The following MMP26 variants were observed in gnomAD, a reference collection of about 807,000 sequenced individuals.
MMP26 encodes the protein matrix metalloproteinase-26.
A neutral mutation model predicts 31.0 loss-of-function variants in MMP26; 33 were observed. The observed-to-expected ratio is 1.06, with a 90% CI of 0.81 to 1.42. MMP26 has a LOEUF of 1.42. MMP26 is among the 40% of genes most tolerant of loss of function. MMP26 has a pLI of 0.00. For synonymous variants in MMP26, 122 were observed against 114.9 expected, an observed-to-expected ratio of 1.06 and a Z score of -0.40; for missense variants, 347 against 316.1, an observed-to-expected ratio of 1.10 and a Z score of -0.74.
At chr11:4,822,442 C>T in intron 2 of MMP26, 1 of 1,372,324 alleles carries the variant, frequency 7.3e-7, no homozygotes, top group Non-Finnish European at 9.5e-7. Context: ...AGTAATTGTC[C>T]CAAAGTGCCC....
chr11:4,742,522 G>C (rs1278546375), intron 1 of MMP26, among the ~76,000 whole-genome samples: 2 of 152,062 alleles, frequency 1.3e-5, no homozygotes, highest in South Asian at 4.1e-4. Context: ...ATTATTTCTG[G>C]GTATGTCTGG....
intron 2 of MMP26, among the ~76,000 whole-genome samples, chr11:4,841,874 G>A (rs889781891): frequency 2.6e-4 from 39 of 152,206 alleles, no homozygotes; most frequent in African/African-American, 8.7e-4. Flanking sequence ...CAGAGGTTGT[G>A]GTGAGCCAAG....
intron 2 of MMP26, among the ~76,000 whole-genome samples, chr11:4,849,893 A>G (rs542707091): frequency 2.0e-5 from 3 of 152,238 alleles, no homozygotes; most frequent in Non-Finnish European, 4.4e-5. Context: ...AAAGGGGTGC[A>G]TGTGGTATTT....
intron 2 of MMP26, among the ~76,000 whole-genome samples, chr11:4,971,856 G>A (rs909604537): frequency 1.3e-5 from 2 of 152,098 alleles, no homozygotes; most frequent in Non-Finnish European, 2.9e-5. Context: ...AAGATAAAAC[G>A]AAAGAGGAAG....
At chr11:4,865,592 C>T (rs1850223132) in intron 2 of MMP26, among the ~76,000 whole-genome samples, 1 of 152,042 alleles carries the variant, frequency 6.6e-6, no homozygotes, top group African/African-American at 2.4e-5. Flanking sequence ...TCTTCCTCCT[C>T]CTCCTCCTCC....
chr11:4,982,418 C>T (rs1009152601), intron 2 of MMP26, among the ~76,000 whole-genome samples: 12 of 152,234 alleles, frequency 7.9e-5, no homozygotes, highest in Non-Finnish European at 1.5e-4. Context: ...TATTGAATAA[C>T]ACTGTTATGT....
At chr11:4,939,006 A>G (rs1846170549) in intron 2 of MMP26, among the ~76,000 whole-genome samples, 1 of 152,132 alleles carries the variant, frequency 6.6e-6, no homozygotes, top group Non-Finnish European at 1.5e-5. Context: ...ATGGTGGAAT[A>G]CTCAGATTAG....
At chr11:4,859,474 A>G (rs952717352) in intron 2 of MMP26, 2 of 352,078 alleles carry the variant, frequency 5.7e-6, no homozygotes, top group South Asian at 2.2e-5. Context: ...CCTGTTATGT[A>G]TCTTCACCCA....
intron 2 of MMP26, among the ~76,000 whole-genome samples, chr11:4,784,654 G>T (rs1238359324): frequency 6.6e-6 from 1 of 152,188 alleles, no homozygotes; most frequent in Non-Finnish European, 1.5e-5. Flanking sequence ...TAGATTCTTT[G>T]GAGAGTGTGT....
chr11:4,947,137 T>C (rs1564812727), intron 2 of MMP26: 1 of 1,166,952 alleles, frequency 8.6e-7, no homozygotes, highest in Non-Finnish European at 1.2e-6. Context: ...AAAATACAGA[T>C]GCTTGTGTTG....
intron 2 of MMP26, among the ~76,000 whole-genome samples, chr11:4,918,666 C>T (rs547191550): frequency 6.6e-6 from 1 of 152,240 alleles, no homozygotes; most frequent in African/African-American, 2.4e-5. Context: ...AAGCAGCTGT[C>T]CAGGATACAG....
At chr11:4,877,869 A>G (rs1023839546) in intron 2 of MMP26, 1 of 152,318 alleles carries the variant, frequency 6.6e-6, no homozygotes, top group East Asian at 1.9e-4. Flanking sequence ...TTAAAATTGT[A>G]TATAAATTTT....
rs142430930 is a variant in MMP26 at position 4,742,787 on chromosome 11, A to G, written c.-216-24483A>G. Among the ~76,000 whole-genome samples the G allele has an allele frequency of 6.1e-3, 923 of 152,292 alleles. 17 individuals carry two copies. Among genetic ancestry groups the G allele is most frequent in the African/African-American group, 0.021 (862 of 41,544 alleles). On this transcript the variant is annotated intron_variant, in intron 1 of 7. Coordinates refer to ENST00000380390, the MANE Select transcript of MMP26 (RefSeq NM_021801.5). ...ATTGGAGATGATAATAGTTATAACT[A>G]CTTTGCAAGGTAGTTGAAACCTACC...
intron 2 of MMP26, chr11:4,945,441 A>G (rs1312637606): frequency 2.0e-5 from 3 of 152,672 alleles, no homozygotes; most frequent in Admixed American, 6.5e-5. Flanking sequence ...GTCTTAGAAT[A>G]TGTTCCTTAT....
intron 2 of MMP26, among the ~76,000 whole-genome samples, chr11:4,955,986 G>T (rs1040042014): frequency 2.6e-5 from 4 of 152,130 alleles, no homozygotes; most frequent in African/African-American, 9.7e-5. Flanking sequence ...GAGAATCCAG[G>T]TTTAAATTTT....
At position 4,907,756 on chromosome 11, in the gene MMP26, C is replaced by T. The variant is rs1408722107; in HGVS notation, c.-144-80312C>T. 4 of 1,614,048 alleles carry T rather than the reference C, an allele frequency of 2.5e-6. No individual in the cohort carries two copies. The South Asian group carries it at 4.4e-5, about 18-fold the overall frequency. On this transcript the variant is annotated intron_variant, in intron 2 of 7. Coordinates refer to ENST00000380390, the MANE Select transcript of MMP26 (RefSeq NM_021801.5). ...ACCGCTTTCTTGCCATTCACAATCC[C>T]TTAAGATACAGTTCTATCCTCACTA...
intron 1 of MMP26, among the ~76,000 whole-genome samples, chr11:4,750,973 C>A (rs917957343): frequency 6.6e-6 from 1 of 151,904 alleles, no homozygotes; most frequent in Non-Finnish European, 1.5e-5. Context: ...CAAACGGGGA[C>A]AACTTTCTGA....
At chr11:4,902,681 TG>T (rs1179825071) in intron 2 of MMP26, among the ~76,000 whole-genome samples, 1 of 152,182 alleles carries the variant, frequency 6.6e-6, no homozygotes, top group Non-Finnish European at 1.5e-5. Context: ...GATAATAAGG[TG>T]GGTATCAAAT....
chr11:4,904,263 T>C (rs1850848772), intron 2 of MMP26, among the ~76,000 whole-genome samples: 1 of 152,098 alleles, frequency 6.6e-6, no homozygotes. Flanking sequence ...TTAAGCAGCT[T>C]TCCCAGATTC....
Sources: allele counts gnomAD v4.1 joint callset (sites outside exome capture counted in the v4.1 genomes callset), GRCh38; gene constraint gnomAD v4.1.1; transcripts MANE v1.5; gene names NCBI Gene and HGNC (gene_info 2026-07-23, HGNC 2026-07-21).